TAMALIN: variants seen among roughly 807,000 people sequenced by gnomAD.
TAMALIN encodes trafficking regulator and scaffold protein tamalin.
TAMALIN carries 9 observed loss-of-function variants against 38.5 expected under a neutral mutation model. The observed-to-expected ratio is 0.23, with a 90% CI of 0.14 to 0.41. The LOEUF (loss-of-function observed/expected upper bound fraction) is 0.41, where lower values mean the gene tolerates loss of function less well. TAMALIN is among the 10% of genes least tolerant of loss of function. The pLI is 1.00. For missense variants in TAMALIN, 548 were observed against 554.1 expected, an observed-to-expected ratio of 0.99 and a Z score of 0.11; for synonymous variants, 306 against 256.5, an observed-to-expected ratio of 1.19 and a Z score of -1.85.
intron 2 of TAMALIN, chr12:52,010,538 C>A: frequency 8.8e-7 from 1 of 1,136,862 alleles, no homozygotes; most frequent in South Asian, 2.0e-5. Context: ...CAGGCTGTGG[C>A]TGAATTTCGG....
intron 5 of TAMALIN, 40 bp downstream of exon 5, chr12:52,013,820 GCCTCTTGGTATTT>G: frequency 6.2e-7 from 1 of 1,612,788 alleles, no homozygotes; most frequent in Non-Finnish European, 8.5e-7. Context: ...CCTGAGCTCA[GCCTCTTGGTATTT>G]CCTCAGCCTG....
Position 52,010,550 on chromosome 12 carries a change from C to A in TAMALIN, c.297-331C>A. The A allele has an allele frequency of 3.5e-6, 4 of 1,147,018 alleles. No homozygotes were observed. In the South Asian group the frequency reaches 7.9e-5, roughly 23 times the overall value. The allele number at this position is 1,147,018 out of a possible 1,614,324, so 71.1% of individuals were successfully genotyped here. On this transcript the variant is annotated intron_variant, in intron 2 of 7. Coordinates refer to ENST00000293662, the MANE Select transcript of TAMALIN (RefSeq NM_181711.4). Reference sequence around the variant, plus strand: ...CTCCAGGCTGTGGCTGAATTTCGGGCCTTAGCTAGTCAGTAAGTGGTACTG... The same window carrying A: ...CTCCAGGCTGTGGCTGAATTTCGGGACTTAGCTAGTCAGTAAGTGGTACTG...
At position 52,007,635 on chromosome 12, in the gene TAMALIN, C is replaced by T. The variant is rs1278617421; in HGVS notation, c.246+370C>T. The T allele has an allele frequency of 1.0e-6, 1 of 985,408 alleles. No homozygotes were observed. The highest frequency in any genetic ancestry group is 6.1e-5 in the Admixed American group (1 of 16,292). 61.0% of individuals were successfully genotyped at this position (985,408 alleles called of 1,614,324 possible). The stretch of plus-strand genomic sequence containing the variant: ...CCCTCGCCCGAGGGACAGAGACAGC[C>T]CCAGGCAAGTTGAAGGTCCGAGAGC... On this transcript the variant is annotated intron_variant, in intron 1 of 7. Coordinates refer to ENST00000293662, the MANE Select transcript of TAMALIN (RefSeq NM_181711.4). The surrounding 1 kb of genome is among the most constrained non-coding windows in gnomAD (Gnocchi z 6.7).
chr12:52,013,945 T>C lies in TAMALIN; in HGVS notation c.615+2T>C. ...GAGGCTCGTCTGCAGTACCTGAAGG[T>C]AGGGGAACCTAGATAACGTCCAGCC... On this transcript the variant is annotated splice_donor_variant, in intron 6 of 7. Transcript: ENST00000293662. LOFTEE classifies it high-confidence loss of function. The C allele has an allele frequency of 1.2e-6, 2 of 1,613,844 alleles. No homozygotes were observed. The highest frequency in any genetic ancestry group is 1.7e-6 in the Non-Finnish European group (2 of 1,179,818).
chr12:52,013,368 C>T (rs1407753543), intron 4 of TAMALIN: 18 of 289,582 alleles, frequency 6.2e-5, no homozygotes, highest in African/African-American at 1.1e-4. Context: ...TGAGCCACCG[C>T]GCCCGGCCGG....
rs1227664997 is a variant in TAMALIN at position 52,007,118 on chromosome 12, C to T, written c.99C>T (p.Ala33=). ...CTCCCGACTCGGAAGTCGCGCCCGCCGCTCCGGTCCCGACCCCGGGACCCC... is the reference window on the plus strand; with the variant it reads ...CTCCCGACTCGGAAGTCGCGCCCGCTGCTCCGGTCCCGACCCCGGGACCCC... ...ARTPDSEVAP[A]APVPTPGPPA... Residue 33 remains alanine, a synonymous_variant, in exon 1 of 8, where the codon GCC becomes GCT. Coordinates refer to ENST00000293662, the MANE Select transcript of TAMALIN (RefSeq NM_181711.4). This position sits in a 1 kb window ranked among gnomAD's most constrained non-coding sequence, Gnocchi z 6.7. 3 of 1,485,532 alleles carry T rather than the reference C, an allele frequency of 2.0e-6. No homozygotes were observed. Among genetic ancestry groups the T allele is most frequent in the African/African-American group, 1.5e-5 (1 of 68,416 alleles). 92.0% of individuals were successfully genotyped at this position (1,485,532 alleles called of 1,614,324 possible).
chr12:52,009,383 G>A (rs895956365), intron 2 of TAMALIN, 144 bp downstream of exon 2: 3 of 764,150 alleles, frequency 3.9e-6, no homozygotes, highest in African/African-American at 3.4e-5. Flanking sequence ...GTGAGGGCAG[G>A]TGGGGGTGAG....
At position 52,011,292 on chromosome 12, in the gene TAMALIN, T is replaced by C; in HGVS notation, c.454+151T>C. The C allele has an allele frequency of 7.1e-7, 1 of 1,406,086 alleles. No individual in the cohort carries two copies. Among genetic ancestry groups the C allele is most frequent in the Non-Finnish European group, 9.7e-7 (1 of 1,029,526 alleles). The allele number at this position is 1,406,086 out of a possible 1,614,324, so 87.1% of individuals were successfully genotyped here. ...AGAAGAATGGATAGAATCTGGGCTT[T>C]GGATCTAGGCAAATTTGCCATGTAC... On this transcript the variant is annotated intron_variant, in intron 4 of 7. Transcript: ENST00000293662. This position sits in a 1 kb window ranked among gnomAD's most constrained non-coding sequence, Gnocchi z 5.3.
Position 52,007,489 on chromosome 12 carries a change from C to T in TAMALIN, c.246+224C>T. On this transcript the variant is annotated intron_variant, in intron 1 of 7. Transcript: ENST00000293662. This position sits in a 1 kb window ranked among gnomAD's most constrained non-coding sequence, Gnocchi z 6.7. ...GTGGCTCTTAACTCCGCGCCCCATGCACGCCCCCTCTCTCCCTCCTTGACT... is the reference window on the plus strand; with the variant it reads ...GTGGCTCTTAACTCCGCGCCCCATGTACGCCCCCTCTCTCCCTCCTTGACT... The T allele has an allele frequency of 2.0e-6, 2 of 984,632 alleles. No individual in the cohort carries two copies. The highest frequency in any genetic ancestry group is 5.2e-4 in the Middle Eastern group (1 of 1,914). 61.0% of individuals were successfully genotyped at this position (984,632 alleles called of 1,614,324 possible).
Position 52,013,826 on chromosome 12 carries a change from T to G in TAMALIN, c.548+46T>G, listed in dbSNP as rs1592273856. The stretch of plus-strand genomic sequence containing the variant: ...GCCTGAATTCCTGAGCTCAGCCTCT[T>G]GGTATTTCCTCAGCCTGTGGCTCAC... On this transcript the variant is annotated intron_variant, in intron 5 of 7. Transcript: ENST00000293662. 5 of 1,612,856 alleles carry G rather than the reference T, an allele frequency of 3.1e-6. No individual in the cohort carries two copies. In the East Asian group the frequency reaches 1.1e-4, roughly 36 times the overall value.
chr12:52,009,146 A>G lies in TAMALIN; in HGVS notation c.247-44A>G, dbSNP rs1318555423. ...GTAACCTCTCAGTGTCTGCTCAAGGACAGTCCCGCCTTACCTGCTCCTTCT... is the reference window on the plus strand; with the variant it reads ...GTAACCTCTCAGTGTCTGCTCAAGGGCAGTCCCGCCTTACCTGCTCCTTCT... On this transcript the variant is annotated intron_variant, in intron 1 of 7. Coordinates refer to ENST00000293662, the MANE Select transcript of TAMALIN (RefSeq NM_181711.4). 3.1e-6 allele frequency: 5 copies of G among 1,600,700 alleles called. No individual in the cohort carries two copies. The South Asian group carries it at 5.5e-5, about 18-fold the overall frequency.
In TAMALIN at chr12:52,013,666, AC is replaced by A; in HGVS notation, c.455-16del. 1 of 1,610,700 alleles carries A rather than the reference AC, an allele frequency of 6.2e-7. No individual in the cohort carries two copies. The highest frequency in any genetic ancestry group is 8.5e-7 in the Non-Finnish European group (1 of 1,177,312). On this transcript the variant is annotated intron_variant, in intron 4 of 7. Coordinates refer to ENST00000293662, the MANE Select transcript of TAMALIN (RefSeq NM_181711.4). ...TAGCATGCCCCATGGAGCAAATCTA[AC>A]CCCCTTGTCTGCCTGGCAGGGGACA...
rs1358914587 is a variant in TAMALIN at position 52,014,904 on chromosome 12, T to TGCCGCCCCC, written c.904_912dup (p.Pro302_Pro304dup). On this transcript the variant is annotated inframe_insertion, in exon 8 of 8. Coordinates refer to ENST00000293662, the MANE Select transcript of TAMALIN (RefSeq NM_181711.4). ...TTCGGGGACTCCGAGCCGCCGGCGC[T>TGCCGCCCCC]GCCGCCCCCGCCGCCCCCGGCCCGC... 6 of 1,168,592 alleles carry TGCCGCCCCC rather than the reference T, an allele frequency of 5.1e-6. No individual in the cohort carries two copies. Among genetic ancestry groups the TGCCGCCCCC allele is most frequent in the African/African-American group, 1.7e-5 (1 of 59,404 alleles). The allele number at this position is 1,168,592 out of a possible 1,614,324, so 72.4% of individuals were successfully genotyped here.
rs1937787463 is a variant in TAMALIN, at chr12:52,015,422, G to T, written c.*223G>T. 1.8e-6 allele frequency: 1 copy of T among 542,166 alleles called. No homozygotes were observed. The highest frequency in any genetic ancestry group is 3.2e-6 in the Non-Finnish European group (1 of 317,322). The allele number at this position is 542,166 out of a possible 1,614,324, so 33.6% of individuals were successfully genotyped here. On this transcript the variant is annotated 3_prime_UTR_variant, in exon 8 of 8. Transcript: ENST00000293662. ...CAAACCACAGTGGGAGCTGGGGCAG[G>T]GGGAGAGCCAGGCAATCGGGGGCCA... is the stretch of plus-strand genomic sequence containing the variant.
At chr12:52,008,400 C>T (rs903578915) in intron 1 of TAMALIN, 3 of 985,310 alleles carry the variant, frequency 3.0e-6, no homozygotes, top group Non-Finnish European at 3.6e-6. Flanking sequence ...ATCTCTCATC[C>T]TTCCTCCACA....
At position 52,014,884 on chromosome 12, in the gene TAMALIN, G is replaced by C; in HGVS notation, c.873G>C (p.Gly291=). Residue 291 remains glycine, a synonymous_variant, in exon 8 of 8, where the codon GGG becomes GGC. Coordinates refer to ENST00000293662, the MANE Select transcript of TAMALIN (RefSeq NM_181711.4). ...CCGTCTACCACACGTGCTTCTTCGG[G>C]GACTCCGAGCCGCCGGCGCTGCCGC... ...DDAVYHTCFF[G]DSEPPALPPP... is the part of the protein sequence containing the mutation. 1 of 1,247,430 alleles carries C rather than the reference G, an allele frequency of 8.0e-7. No homozygotes were observed. Among genetic ancestry groups the C allele is most frequent in the Non-Finnish European group, 1.0e-6 (1 of 987,616 alleles). 77.3% of individuals were successfully genotyped at this position (1,247,430 alleles called of 1,614,324 possible).
chr12:52,015,359 A>G lies in TAMALIN; in HGVS notation c.*160A>G. The G allele has an allele frequency of 2.3e-6, 2 of 860,550 alleles. No homozygotes were observed. Among genetic ancestry groups the G allele is most frequent in the Admixed American group, 6.9e-5 (2 of 29,074 alleles). 53.3% of individuals were successfully genotyped at this position (860,550 alleles called of 1,614,324 possible). ...GTCGGTTCCTGGCTGGTGTCTGCTGAGGGAGTGGGGGGCCCAGCCCCTTCT... is the reference window on the plus strand; with the variant it reads ...GTCGGTTCCTGGCTGGTGTCTGCTGGGGGAGTGGGGGGCCCAGCCCCTTCT... On this transcript the variant is annotated 3_prime_UTR_variant, in exon 8 of 8. Coordinates refer to ENST00000293662, the MANE Select transcript of TAMALIN (RefSeq NM_181711.4).
rs1380930541 is a variant in TAMALIN at position 52,007,558 on chromosome 12, T to A, written c.246+293T>A. On this transcript the variant is annotated intron_variant, in intron 1 of 7. Coordinates refer to ENST00000293662, the MANE Select transcript of TAMALIN (RefSeq NM_181711.4). This position sits in a 1 kb window ranked among gnomAD's most constrained non-coding sequence, Gnocchi z 6.7. ...CTCCTACCCGCTCCATCTGGCTTTC[T>A]GCCCCCCATGCCCCGCCTCCCCGTG... The A allele has an allele frequency of 4.1e-6, 4 of 983,152 alleles. No homozygotes were observed. The highest frequency in any genetic ancestry group is 4.8e-6 in the Non-Finnish European group (4 of 828,324). 60.9% of individuals were successfully genotyped at this position (983,152 alleles called of 1,614,324 possible).
chr12:52,013,801 G>A (rs775334238), intron 5 of TAMALIN, 21 bp downstream of exon 5: 3 of 1,613,058 alleles, frequency 1.9e-6, no homozygotes, highest in Non-Finnish European at 2.5e-6. Flanking sequence ...GAGCCGAGGT[G>A]CCTGAATTCC....
Sources: gnomAD v4.1 joint callset for allele counts on GRCh38, gnomAD v4.1.1 for gene constraint, Gnocchi (gnomAD v3.1) non-coding constraint, MANE v1.5 for transcripts, NCBI Gene and HGNC (gene_info 2026-07-23, HGNC 2026-07-21) for gene names.